The following CREM variants were observed in gnomAD, a reference collection of about 807,000 sequenced individuals.
The protein encoded by CREM is cAMP responsive element modulator.
A neutral mutation model predicts 37.3 loss-of-function variants in CREM; 13 were observed. The ratio of observed to expected loss-of-function variants is 0.35; its 90% CI spans 0.23 to 0.55. The LOEUF is 0.55. Among genes scored for constraint, CREM ranks in the 20% least tolerant of loss-of-function variants. The pLI is 0.88. For missense variants in CREM, 296 were observed against 362.3 expected (o/e 0.82, Z 1.49); for synonymous variants, 124 against 120.2 (o/e 1.03, Z -0.21).
chr10:35,175,949 C>G (rs1349613034), intron 3 of CREM: 1 of 1,551,412 alleles, frequency 6.4e-7, no homozygotes, highest in Non-Finnish European at 8.7e-7. Flanking sequence ...GGGAGTAATT[C>G]AGACACCACA....
At chr10:35,162,009 A>G (rs904355091) in intron 3 of CREM, among the ~76,000 whole-genome samples, 1 of 152,244 alleles carries the variant, frequency 6.6e-6, no homozygotes, top group Non-Finnish European at 1.5e-5. Flanking sequence ...AATGGCCAAG[A>G]TACGGAATCA....
At chr10:35,143,422 G>A (rs1002502017) in intron 2 of CREM, among the ~76,000 whole-genome samples, 21 of 152,258 alleles carry the variant, frequency 1.4e-4, no homozygotes, top group Admixed American at 1.3e-3. Context: ...AGGGTAAGAT[G>A]GGAGGATAGG....
At chr10:35,210,222 T>C (rs2095635470) in intron 7 of CREM, among the ~76,000 whole-genome samples, 1 of 152,174 alleles carries the variant, frequency 6.6e-6, no homozygotes, top group Non-Finnish European at 1.5e-5. Flanking sequence ...AAGGGTGATC[T>C]ACCTCAAAGG....
intron 6 of CREM, 133 bp downstream of exon 6, chr10:35,188,521 TAC>T (rs912310862): frequency 3.0e-6 from 2 of 672,918 alleles, no homozygotes; most frequent in African/African-American, 3.7e-5. Flanking sequence ...TAAAAAGGCT[TAC>T]AGAAGAAATA....
intron 2 of CREM, 90 bp downstream of exon 2, chr10:35,137,969 C>A: frequency 1.1e-6 from 1 of 921,646 alleles, no homozygotes; most frequent in Non-Finnish European, 1.6e-6. Flanking sequence ...TGTACACATA[C>A]ATGTATGTAT....
intron 1 of CREM, among the ~76,000 whole-genome samples, chr10:35,130,190 C>T (rs575381754): frequency 1.2e-3 from 137 of 111,710 alleles, no homozygotes; most frequent in African/African-American, 4.7e-3. Flanking sequence ...GAGCCAAACT[C>T]AGTCTCAAAA....
chr10:35,188,050 T>C (rs2094728031), intron 5 of CREM, 150 bp from the exon 6 acceptor site: 5 of 719,030 alleles, frequency 7.0e-6, no homozygotes, highest in Middle Eastern at 4.0e-4. Context: ...ATGACGAAGC[T>C]GATCTTCCTT....
intron 3 of CREM, among the ~76,000 whole-genome samples, chr10:35,151,873 T>C (rs540456080): frequency 6.6e-6 from 1 of 152,260 alleles, no homozygotes; most frequent in Non-Finnish European, 1.5e-5. Flanking sequence ...TGAACATAAT[T>C]ACTCATTAAA....
At chr10:35,160,265 A>G (rs754940600) in intron 3 of CREM, among the ~76,000 whole-genome samples, 1 of 152,238 alleles carries the variant, frequency 6.6e-6, no homozygotes, top group Non-Finnish European at 1.5e-5. Flanking sequence ...AAAATACGGT[A>G]TCAAAGATAA....
intron 6 of CREM, among the ~76,000 whole-genome samples, chr10:35,205,746 G>A (rs750877231): frequency 2.3e-4 from 35 of 152,054 alleles, no homozygotes; most frequent in Non-Finnish European, 2.4e-4. Flanking sequence ...ATCACTTGAG[G>A]TCAGGAGTTC....
intron 3 of CREM, among the ~76,000 whole-genome samples, chr10:35,169,037 C>G (rs994174112): frequency 6.6e-6 from 1 of 152,118 alleles, no homozygotes; most frequent in Non-Finnish European, 1.5e-5. Context: ...AACGTGATGC[C>G]TCCAGCTTTG....
chr10:35,139,700 T>A (rs2135695724), intron 2 of CREM, among the ~76,000 whole-genome samples: 1 of 152,354 alleles, frequency 6.6e-6, no homozygotes, highest in African/African-American at 2.4e-5. Context: ...ATCACAACTA[T>A]GTTTAATACA....
chr10:35,131,924 G>A (rs12258829), intron 1 of CREM, among the ~76,000 whole-genome samples: 4,527 of 152,158 alleles, frequency 0.03, 221 homozygotes, highest in African/African-American at 0.1. Flanking sequence ...TAAAAATTTG[G>A]TTTCACATTG....
intron 2 of CREM, among the ~76,000 whole-genome samples, chr10:35,146,459 C>T (rs916040932): frequency 2.6e-5 from 4 of 152,184 alleles, no homozygotes; most frequent in South Asian, 4.1e-4. Context: ...AGCATTTTCC[C>T]TACCCTTTTT....
intron 2 of CREM, among the ~76,000 whole-genome samples, chr10:35,146,318 T>G (rs2092107865): frequency 6.6e-6 from 1 of 152,226 alleles, no homozygotes; most frequent in Admixed American, 6.5e-5. Flanking sequence ...TGTTTGGTAG[T>G]CAGATACTTT....
chr10:35,187,150 T>C (rs1283064453), intron 5 of CREM, among the ~76,000 whole-genome samples: 1 of 71,280 alleles, frequency 1.4e-5, no homozygotes, highest in Non-Finnish European at 2.5e-5. Context: ...ATATATAATA[T>C]ATATAATATA....
At chr10:35,194,194 A>G (rs906175686) in intron 6 of CREM, among the ~76,000 whole-genome samples, 3 of 146,368 alleles carry the variant, frequency 2.0e-5, no homozygotes, top group Admixed American at 1.4e-4. Flanking sequence ...TTTCCAGGCT[A>G]TGGTCTGTTC....
intron 5 of CREM, among the ~76,000 whole-genome samples, chr10:35,187,674 T>G (rs939826854): frequency 3.9e-5 from 6 of 152,186 alleles, no homozygotes; most frequent in Non-Finnish European, 8.8e-5. Context: ...TCTTTTCTTT[T>G]CTTTTCTTTT....
At chr10:35,139,907 T>G (rs2091197644) in intron 2 of CREM, among the ~76,000 whole-genome samples, 1 of 152,208 alleles carries the variant, frequency 6.6e-6, no homozygotes, top group South Asian at 2.1e-4. Flanking sequence ...GCATTTCTGC[T>G]GAGATAGTGC....
Sources: allele counts gnomAD v4.1 joint callset (sites outside exome capture counted in the v4.1 genomes callset), GRCh38; gene constraint gnomAD v4.1.1; transcripts MANE v1.5; gene names NCBI Gene and HGNC (gene_info 2026-07-23, HGNC 2026-07-21).